Variants in FZR1 observed in about 807,000 individuals in gnomAD.
The protein encoded by FZR1 is fizzy and cell division cycle 20 related 1.
Under a neutral mutation model 63.6 loss-of-function variants are expected in FZR1, and 11 were observed. The observed-to-expected ratio is 0.17, with a 90% CI of 0.11 to 0.29. The LOEUF (loss-of-function observed/expected upper bound fraction) is 0.29, where lower values mean the gene tolerates loss of function less well. Ranked by LOEUF, FZR1 falls within the 10% of genes least tolerant of loss-of-function variation. FZR1 has a pLI of 1.00. For missense variants in FZR1, 440 were observed against 687.5 expected (o/e 0.64, Z 4.03); for synonymous variants, 328 against 297.9 (o/e 1.10, Z -1.04).
intron 1 of FZR1, among the ~76,000 whole-genome samples, chr19:3,512,588 C>T (rs910073493): frequency 6.6e-6 from 1 of 152,152 alleles, no homozygotes; most frequent in Non-Finnish European, 1.5e-5. Context: ...GGAGGGTTAG[C>T]GATAAGGGTG....
intron 1 of FZR1, among the ~76,000 whole-genome samples, chr19:3,507,049 G>A (rs187875821): frequency 6.6e-6 from 1 of 152,240 alleles, no homozygotes; most frequent in East Asian, 1.9e-4. Context: ...CCGGAAACCT[G>A]TGTCTGTGGT....
rs892509493 is a variant in FZR1 at position 3,531,735 on chromosome 19, A to G, written c.742A>G (p.Thr248Ala). Residue 248 changes from threonine (T) to alanine (A), a missense_variant, in exon 9 of 14, where the codon ACA becomes GCA. By Grantham distance (58) the Thr-to-Ala change is moderately conservative (BLOSUM62 0). This residue lies in a region of FZR1 where 208 missense variants were observed against 363.6 expected (regional missense o/e 0.57). Coordinates refer to ENST00000441788, the MANE Select transcript of FZR1 (RefSeq NM_016263.4). Reference sequence around the variant, plus strand: ...CTAGGGGAACCTGGTGGCGGTGGGCACACACAAGGGCTTCGTGCAGATCTG... The same window carrying G: ...CTAGGGGAACCTGGTGGCGGTGGGCGCACACAAGGGCTTCGTGCAGATCTG... The part of the protein sequence containing the change: ...SERGNLVAVG[T>A]HKGFVQIWDA... 9 of 1,549,808 alleles carry G rather than the reference A, an allele frequency of 5.8e-6. No individual in the cohort carries two copies. The highest frequency in any genetic ancestry group is 7.9e-6 in the Non-Finnish European group (9 of 1,146,462).
In FZR1 at chr19:3,511,920, GC is replaced by G. The variant is rs758260154; in HGVS notation, c.-35+5447del. 2.3e-3 allele frequency among the ~76,000 whole-genome samples: 355 copies of G among 152,178 alleles called. 1 individual carries two copies. The highest frequency in any genetic ancestry group is 3.8e-3 in the Non-Finnish European group (257 of 68,010). On this transcript the variant is annotated intron_variant, in intron 1 of 13. Transcript: ENST00000441788. ...GCTTGTTCTTCTGCAGGTGGGGGTT[GC>G]TCCCTGCAGAGATCTCTGTGCCTCA...
Position 3,527,047 on chromosome 19 carries a change from C to T in FZR1, c.455C>T (p.Pro152Leu), listed in dbSNP as rs1374334221. The T allele has an allele frequency of 6.2e-7, 1 of 1,611,046 alleles. No individual in the cohort carries two copies. The highest frequency in any genetic ancestry group is 1.3e-5 in the African/African-American group (1 of 74,872). ...GATGTGTCTCCCTACTCCCTGTCTC[C>T]CGTCAGCAACAAGAGGTGGGTCCCA... ...GNDVSPYSLSPVSNKSQKLLR... is the reference protein window; with the variant it reads ...GNDVSPYSLSLVSNKSQKLLR... The change falls in exon 6 of 14, where the codon CCC (proline) becomes CTC (leucine). Residue 152 changes from proline (P) to leucine (L), a missense_variant. Physicochemically the swap from Pro to Leu is moderately conservative, Grantham distance 98. Transcript: ENST00000441788.
rs1258752283 is a variant in FZR1 at position 3,537,012 on chromosome 19, T to C, written c.*2176T>C. ...CCTGCGCTCCAGCTGGACGGCCCTG[T>C]TCCAGGGAGGAGGTGCTCGGTTGAC... On this transcript the variant is annotated 3_prime_UTR_variant, in exon 14 of 14. Coordinates refer to ENST00000441788, the MANE Select transcript of FZR1 (RefSeq NM_016263.4). The C allele has an allele frequency of 2.7e-5, 4 of 146,524 alleles. No homozygotes were observed. The highest frequency in any genetic ancestry group is 6.0e-5 in the Non-Finnish European group (4 of 66,248). The allele number at this position is 146,524 out of a possible 1,614,324, so 9.1% of individuals were successfully genotyped here. A position where few individuals can be genotyped will look rare whatever the true frequency, so the allele number is the denominator to read the frequency against.
rs1180951451 is a variant in FZR1, at chr19:3,515,855, T to TTCCTCTCCC, written c.-34-7100_-34-7092dup. On this transcript the variant is annotated intron_variant, in intron 1 of 13. Coordinates refer to ENST00000441788, the MANE Select transcript of FZR1 (RefSeq NM_016263.4). The surrounding 1 kb of genome is among the most constrained non-coding windows in gnomAD (Gnocchi z 4.6). ...TTCCTCCCCAATCCTCGTCCTCTCC[T>TTCCTCTCCC]TCCTCTCCCCACCCACCCCATGACC... Among the ~76,000 whole-genome samples the TTCCTCTCCC allele has an allele frequency of 7.0e-4, 106 of 151,914 alleles. No individual in the cohort carries two copies. The highest frequency in any genetic ancestry group is 2.5e-3 in the African/African-American group (102 of 41,428).
Position 3,506,352 on chromosome 19 carries a change from C to G in FZR1, c.-157C>G, listed in dbSNP as rs1389682820. ...CCGCCATATTAGGGACCGCGGAGCC[C>G]GGGATCCCGTCAGCGGCGGCCGCGG... On this transcript the variant is annotated 5_prime_UTR_variant, in exon 1 of 14. Transcript: ENST00000441788. 1 of 151,126 alleles carries G rather than the reference C, an allele frequency of 6.6e-6. No individual in the cohort carries two copies. The highest frequency in any genetic ancestry group is 6.6e-5 in the Admixed American group (1 of 15,202). The allele number at this position is 151,126 out of a possible 1,614,324, so 9.4% of individuals were successfully genotyped here. A position where few individuals can be genotyped will look rare whatever the true frequency, so the allele number is the denominator to read the frequency against.
rs973361877 is a variant in FZR1, at chr19:3,536,514, T to C, written c.*1678T>C. On this transcript the variant is annotated 3_prime_UTR_variant, in exon 14 of 14. Transcript: ENST00000441788. ...CGCCCATGCCCGCCCCTGCCCGCAGTTGCCAAAGAGCCGCCTTGTCGCTGT... is the reference window on the plus strand; with the variant it reads ...CGCCCATGCCCGCCCCTGCCCGCAGCTGCCAAAGAGCCGCCTTGTCGCTGT... 1.3e-5 allele frequency: 2 copies of C among 152,274 alleles called. No homozygotes were observed. The highest frequency in any genetic ancestry group is 4.8e-5 in the African/African-American group (2 of 41,460). 9.4% of individuals were successfully genotyped at this position (152,274 alleles called of 1,614,324 possible). A position where few individuals can be genotyped will look rare whatever the true frequency, so the allele number is the denominator to read the frequency against.
intron 7 of FZR1, among the ~76,000 whole-genome samples, chr19:3,529,381 A>AGG (rs2083205755): frequency 7.7e-6 from 1 of 129,688 alleles, no homozygotes; most frequent in African/African-American, 3.0e-5. Context: ...AGCAGATGGG[A>AGG]GAGCAGATGG....
At chr19:3,520,313 T>C (rs1248558691) in intron 1 of FZR1, among the ~76,000 whole-genome samples, 1 of 152,060 alleles carries the variant, frequency 6.6e-6, no homozygotes, top group Non-Finnish European at 1.5e-5. Flanking sequence ...GCTGGTGACA[T>C]GACCTGGCCC....
chr19:3,522,301 C>T (rs538903906), intron 1 of FZR1, among the ~76,000 whole-genome samples: 9 of 152,316 alleles, frequency 5.9e-5, no homozygotes, highest in South Asian at 2.1e-4. Context: ...GTCTCCTCAC[C>T]GCCACTTTTC....
chr19:3,526,828 A>G lies in FZR1; in HGVS notation c.388-152A>G. ...GGGTGGGGGGTCCGCAGTCCCCGCC[A>G]GGAAGGCGCCTGCCTTTTTACAGCT... On this transcript the variant is annotated intron_variant, in intron 5 of 13. Coordinates refer to ENST00000441788, the MANE Select transcript of FZR1 (RefSeq NM_016263.4). This position sits in a 1 kb window ranked among gnomAD's most constrained non-coding sequence, Gnocchi z 5.4. The G allele has an allele frequency of 1.6e-6, 1 of 627,336 alleles. No homozygotes were observed. 38.9% of individuals were successfully genotyped at this position (627,336 alleles called of 1,614,324 possible).
Position 3,523,009 on chromosome 19 carries a change from G to A in FZR1, c.20G>A (p.Arg7Gln), listed in dbSNP as rs951021097. The stretch of plus-strand genomic sequence containing the variant: ...CTCGCCATGGACCAGGACTATGAGC[G>A]GCGCCTGCTTCGCCAGATCGTCATC... MDQDYE[R>Q]RLLRQIVIQN... Residue 7 changes from arginine to glutamine, a missense_variant, in exon 2 of 14, where the codon CGG becomes CAG. Around this residue, in one of 5 missense-constraint regions of FZR1, gnomAD observed 200 missense variants for 245.1 expected, o/e 0.82. Transcript: ENST00000441788. The A allele has an allele frequency of 1.2e-5, 19 of 1,611,804 alleles. 1 individual carries two copies. The highest frequency in any genetic ancestry group is 2.2e-5 in the South Asian group (2 of 91,074).
chr19:3,521,738 G>T (rs567383448), intron 1 of FZR1, among the ~76,000 whole-genome samples: 1 of 152,240 alleles, frequency 6.6e-6, no homozygotes, highest in South Asian at 2.1e-4. Flanking sequence ...CTGACCTCGT[G>T]ATCCACCCGC....
At position 3,537,701 on chromosome 19, in the gene FZR1, T is replaced by A. The variant is rs1443685997; in HGVS notation, c.*2865T>A. The A allele has an allele frequency of 6.5e-6, 1 of 152,730 alleles. No individual in the cohort carries two copies. Among genetic ancestry groups the A allele is most frequent in the Non-Finnish European group, 1.5e-5 (1 of 68,500 alleles). 9.5% of individuals were successfully genotyped at this position (152,730 alleles called of 1,614,324 possible). On this transcript the variant is annotated 3_prime_UTR_variant, in exon 14 of 14. Coordinates refer to ENST00000441788, the MANE Select transcript of FZR1 (RefSeq NM_016263.4). Reference sequence around the variant, plus strand: ...CCCCAGGTGGTTTTGAGGCTCGCTCTTGCGCGGTGCCTGAGAAGAGGGTGA... The same window carrying A: ...CCCCAGGTGGTTTTGAGGCTCGCTCATGCGCGGTGCCTGAGAAGAGGGTGA...
chr19:3,529,083 TGGGAGAGCAG>T, intron 7 of FZR1, among the ~76,000 whole-genome samples: 1 of 133,106 alleles, frequency 7.5e-6, no homozygotes, highest in African/African-American at 3.6e-5. Context: ...GGAGAGCGGA[TGGGAGAGCAG>T]ACGGTTGAGC....
At position 3,537,564 on chromosome 19, in the gene FZR1, G is replaced by C. The variant is rs911564734; in HGVS notation, c.*2728G>C. On this transcript the variant is annotated 3_prime_UTR_variant, in exon 14 of 14. Coordinates refer to ENST00000441788, the MANE Select transcript of FZR1 (RefSeq NM_016263.4). Reference sequence around the variant, plus strand: ...GCCCAGGGGGTGCTGGTGCCTCCCCGGGGTCTGGGCGGAGAGAACAGGAGG... The same window carrying C: ...GCCCAGGGGGTGCTGGTGCCTCCCCCGGGTCTGGGCGGAGAGAACAGGAGG... 6.5e-6 allele frequency: 1 copy of C among 152,678 alleles called. No homozygotes were observed. The highest frequency in any genetic ancestry group is 1.9e-4 in the East Asian group (1 of 5,202). The allele number at this position is 152,678 out of a possible 1,614,324, so 9.5% of individuals were successfully genotyped here. A position where few individuals can be genotyped will look rare whatever the true frequency, so the allele number is the denominator to read the frequency against.
Position 3,532,476 on chromosome 19 carries a change from G to A in FZR1, c.1068G>A (p.Ala356=), listed in dbSNP as rs778024704. The A allele has an allele frequency of 3.4e-5, 54 of 1,602,956 alleles. No individual in the cohort carries two copies. Among genetic ancestry groups the A allele is most frequent in the South Asian group, 5.5e-5 (5 of 90,678 alleles). ...TGCAGCAGTACACGGAGCACCTGGC[G>A]GCCGTGAAGGCCATCGCCTGGTCCC... ...SPVQQYTEHL[A]AVKAIAWSPH... Residue 356 remains alanine (A), a synonymous_variant, in exon 11 of 14, where the codon GCG becomes GCA. Transcript: ENST00000441788.
intron 1 of FZR1, among the ~76,000 whole-genome samples, chr19:3,512,209 C>T (rs1287282448): frequency 6.6e-6 from 1 of 152,214 alleles, no homozygotes. Context: ...TGGGGACCTG[C>T]GTACCCCTGT....
Sources: gnomAD v4.1 joint callset for allele counts (sites outside exome capture counted in the v4.1 genomes callset) on GRCh38, gnomAD v4.1.1 for gene constraint, gnomAD v4.1.1 regional missense constraint, Gnocchi (gnomAD v3.1) non-coding constraint, MANE v1.5 for transcripts, NCBI Gene and HGNC (gene_info 2026-07-23, HGNC 2026-07-21) for gene names.